SFI1: variants seen among roughly 807,000 people sequenced by gnomAD.
SFI1 encodes the protein SFI1 centrin binding protein, also known as protein SFI1 homolog.
In SFI1, 195 loss-of-function variants were observed where a neutral mutation model predicts 207.5. That is an observed-to-expected ratio of 0.94 (90% confidence interval 0.84 to 1.06). The LOEUF (loss-of-function observed/expected upper bound fraction) is 1.06, where lower values mean the gene tolerates loss of function less well. Ranked by LOEUF, SFI1 falls within the 50% of genes least tolerant of loss-of-function variation. The pLI is 0.00. For synonymous variants in SFI1, 630 were observed against 598.9 expected, an observed-to-expected ratio of 1.05 and a Z score of -0.76; for missense variants, 1,634 against 1,588.0, an observed-to-expected ratio of 1.03 and a Z score of -0.49.
chr22:31,593,851 G>A (rs889780600), intron 15 of SFI1, among the ~76,000 whole-genome samples: 28 of 148,142 alleles, frequency 1.9e-4, no homozygotes, highest in South Asian at 4.4e-4. Flanking sequence ...CAGGCGTGGC[G>A]GCGCGTGCCT....
At chr22:31,506,520 C>A (rs943239921) in intron 1 of SFI1, among the ~76,000 whole-genome samples, 2 of 152,138 alleles carry the variant, frequency 1.3e-5, no homozygotes, top group Non-Finnish European at 2.9e-5. Flanking sequence ...AAGAACCAGG[C>A]ACAACTTCTG....
chr22:31,582,236 ATTTTTT>A (rs1161846940), intron 12 of SFI1, among the ~76,000 whole-genome samples: 136 of 10,080 alleles, frequency 0.013, 1 homozygote, highest in Middle Eastern at 0.083. Flanking sequence ...ATATATATAT[ATTTTTT>A]TTTTTTTTTT....
intron 10 of SFI1, 127 bp downstream of exon 10, chr22:31,575,519 C>A: frequency 2.1e-6 from 2 of 965,020 alleles, no homozygotes; most frequent in Non-Finnish European, 2.9e-6. Context: ...AGCCTTATCT[C>A]TGTTGACAGT....
intron 13 of SFI1, 31 bp downstream of exon 13, chr22:31,584,003 A>C: frequency 6.4e-7 from 1 of 1,574,152 alleles, no homozygotes; most frequent in Non-Finnish European, 8.7e-7. Flanking sequence ...CCTGGCTCTC[A>C]GGGACTTTGT....
intron 2 of SFI1, among the ~76,000 whole-genome samples, chr22:31,525,698 A>G (rs1474749988): frequency 2.0e-5 from 3 of 151,764 alleles, no homozygotes; most frequent in Non-Finnish European, 4.4e-5. Flanking sequence ...GTGGGGCAAC[A>G]GAATGAGACT....
intron 24 of SFI1, chr22:31,612,889 C>T (rs1168993582): frequency 7.7e-6 from 4 of 517,700 alleles, no homozygotes; most frequent in Non-Finnish European, 1.4e-5. Context: ...CCCCGGACCT[C>T]AGGCCGCTGC....
At chr22:31,616,387 C>T (rs1177154323) in intron 29 of SFI1, 2 of 216,548 alleles carry the variant, frequency 9.2e-6, no homozygotes, top group Non-Finnish European at 1.8e-5. Flanking sequence ...TCACTGACCA[C>T]TTCTCACTGA....
intron 8 of SFI1, among the ~76,000 whole-genome samples, chr22:31,569,719 G>T (rs996472082): frequency 2.0e-5 from 3 of 152,068 alleles, no homozygotes; most frequent in Non-Finnish European, 4.4e-5. Flanking sequence ...AAGCCAAGGC[G>T]GGGGGACAGC....
At chr22:31,580,904 AT>A (rs942656745) in intron 12 of SFI1, among the ~76,000 whole-genome samples, 1 of 152,062 alleles carries the variant, frequency 6.6e-6, no homozygotes, top group South Asian at 2.1e-4. Context: ...GTTTGATCCC[AT>A]TTTTTTATCT....
At chr22:31,504,646 A>C (rs1481215597) in intron 1 of SFI1, among the ~76,000 whole-genome samples, 4 of 152,106 alleles carry the variant, frequency 2.6e-5, no homozygotes, top group African/African-American at 7.2e-5. Flanking sequence ...ATTCTTTCAC[A>C]GTTTTAGAGG....
chr22:31,579,228 T>C (rs557178613), intron 11 of SFI1, among the ~76,000 whole-genome samples: 32 of 151,918 alleles, frequency 2.1e-4, no homozygotes, highest in African/African-American at 6.8e-4. Context: ...GCTGCAGCCT[T>C]GAACTCCTGG....
intron 9 of SFI1, among the ~76,000 whole-genome samples, 162 bp downstream of exon 9, chr22:31,573,376 A>G (rs551570133): frequency 8.1e-4 from 122 of 151,392 alleles, no homozygotes; most frequent in Middle Eastern, 3.4e-3. Flanking sequence ...AGTCACATTT[A>G]TTTCTCTTTG....
chr22:31,519,889 A>G (rs1444910311), intron 2 of SFI1, among the ~76,000 whole-genome samples: 5 of 151,640 alleles, frequency 3.3e-5, no homozygotes, highest in Non-Finnish European at 7.4e-5. Flanking sequence ...TTTATTTTAA[A>G]CTTTTAATTA....
intron 15 of SFI1, among the ~76,000 whole-genome samples, chr22:31,598,303 C>A (rs867750544): frequency 6.0e-5 from 9 of 151,210 alleles, no homozygotes; most frequent in Middle Eastern, 3.5e-3. Context: ...ATAATTTATG[C>A]ACCTATATAA....
At chr22:31,512,782 G>C (rs12484188) in intron 2 of SFI1, among the ~76,000 whole-genome samples, 6,178 of 152,114 alleles carry the variant, frequency 0.041, 287 homozygotes, top group African/African-American at 0.093. Flanking sequence ...TGCCTCCCAG[G>C]TTCATGCCAT....
chr22:31,610,077 G>A (rs182314911), intron 22 of SFI1, among the ~76,000 whole-genome samples: 90 of 152,350 alleles, frequency 5.9e-4, no homozygotes, highest in Non-Finnish European at 1.0e-3. Context: ...CAGTGTACAC[G>A]TAGTAGGTAC....
In SFI1 at chr22:31,614,823, C is replaced by A; in HGVS notation, c.3031C>A (p.Arg1011Ser). The change falls in exon 28 of 33, where the codon CGC becomes AGC. Residue 1011 changes from arginine to serine, a missense_variant. Transcript: ENST00000400288. ...CCACTCAGCGAGGAAGCAGCCGCGA[C>A]GCCCACACTTCCTGTTGGAGCCTGC... ...TAHSARKQPR[R>S]PHFLLEPAQS... The A allele has an allele frequency of 6.2e-7, 1 of 1,613,926 alleles. No homozygotes were observed. Among genetic ancestry groups the A allele is most frequent in the Non-Finnish European group, 8.5e-7 (1 of 1,180,030 alleles).
At chr22:31,593,910 G>A (rs1450393714) in intron 15 of SFI1, among the ~76,000 whole-genome samples, 4 of 147,346 alleles carry the variant, frequency 2.7e-5, no homozygotes, top group Non-Finnish European at 6.0e-5. Flanking sequence ...AGGCAGGGAG[G>A]TTGCAGTGAG....
intron 12 of SFI1, among the ~76,000 whole-genome samples, chr22:31,582,201 A>G (rs1280122408): frequency 7.7e-5 from 1 of 13,040 alleles, no homozygotes; most frequent in Non-Finnish European, 1.6e-4. Flanking sequence ...CTTCTTTATT[A>G]CATTTTATAT....
Sources: allele counts gnomAD v4.1 joint callset (sites outside exome capture counted in the v4.1 genomes callset), GRCh38; gene constraint gnomAD v4.1.1; transcripts MANE v1.5; gene names NCBI Gene and HGNC (gene_info 2026-07-23, HGNC 2026-07-21).